The following SPATS2L variants were observed in gnomAD, a reference collection of about 807,000 sequenced individuals.
The protein encoded by SPATS2L is spermatogenesis associated serine rich 2 like.
In SPATS2L, 30 loss-of-function variants were observed where a neutral mutation model predicts 59.6. The ratio of observed to expected loss-of-function variants is 0.50; its 90% CI spans 0.38 to 0.68. The LOEUF is 0.68. Among genes scored for constraint, SPATS2L ranks in the 30% least tolerant of loss-of-function variants. The pLI is 0.00. For synonymous variants in SPATS2L, 252 were observed against 263.5 expected, an observed-to-expected ratio of 0.96 and a Z score of 0.42; for missense variants, 615 against 700.0, an observed-to-expected ratio of 0.88 and a Z score of 1.37.
intron 2 of SPATS2L, among the ~76,000 whole-genome samples, chr2:200,362,929 A>G (rs1252392714): frequency 6.6e-6 from 1 of 152,198 alleles, no homozygotes; most frequent in Non-Finnish European, 1.5e-5. Context: ...ACCCCCAGGA[A>G]TATATTTTGC....
chr2:200,432,839 G>A (rs2084028304), intron 6 of SPATS2L, among the ~76,000 whole-genome samples: 1 of 152,144 alleles, frequency 6.6e-6, no homozygotes. Flanking sequence ...AAGAAGAAAG[G>A]ATGAGTGAAC....
chr2:200,320,299 A>C (rs1408842250), intron 1 of SPATS2L, among the ~76,000 whole-genome samples: 3 of 152,344 alleles, frequency 2.0e-5, no homozygotes, highest in African/African-American at 7.2e-5. Context: ...CTTCTGAAAA[A>C]TTTCTTGAAA....
intron 9 of SPATS2L, among the ~76,000 whole-genome samples, chr2:200,464,634 T>A (rs2086459962): frequency 6.6e-6 from 1 of 152,098 alleles, no homozygotes; most frequent in African/African-American, 2.4e-5. Context: ...GCCTTCAGAC[T>A]TTTTTTATTA....
In SPATS2L at chr2:200,477,849, C is replaced by G. The variant is rs2087663531; in HGVS notation, c.1495C>G (p.Pro499Ala). The G allele has an allele frequency of 6.3e-7, 1 of 1,586,832 alleles. No homozygotes were observed. Among genetic ancestry groups the G allele is most frequent in the South Asian group, 1.1e-5 (1 of 87,692 alleles). The stretch of plus-strand genomic sequence containing the variant: ...AGAGGCTTCCTTGGGGATGAAGACC[C>G]CCGAGGCCCCGGCCCATTCTGAAAA... ...NQEASLGMKTPEAPAHSEKPR... is the reference protein window; with the variant it reads ...NQEASLGMKTAEAPAHSEKPR... The change falls in exon 13 of 13, where the codon CCC becomes GCC. Residue 499 changes from proline (P) to alanine (A), a missense_variant. Physicochemically the swap from Pro to Ala is conservative, Grantham distance 27 (BLOSUM62 -1). Coordinates refer to ENST00000409140, the MANE Select transcript of SPATS2L (RefSeq NM_001100423.2).
At chr2:200,306,557 T>C, upstream of SPATS2L, 1 of 1,002,000 alleles carries the variant, frequency 1.0e-6, no homozygotes, top group Non-Finnish European at 1.2e-6. Context: ...CAGCGCTGTG[T>C]TTGCGAGCGG....
At chr2:200,373,339 C>A (rs535735637) in intron 2 of SPATS2L, 5 of 151,010 alleles carry the variant, frequency 3.3e-5, no homozygotes, top group African/African-American at 1.2e-4. Context: ...TTCCTCCATC[C>A]TTACCCTATG....
chr2:200,375,258 T>C (rs901589962), intron 2 of SPATS2L, among the ~76,000 whole-genome samples: 3 of 152,218 alleles, frequency 2.0e-5, no homozygotes, highest in African/African-American at 7.2e-5. Flanking sequence ...GTGTTTAGCA[T>C]TGGGTGAAAA....
rs190557844 is a variant in SPATS2L at position 200,348,429 on chromosome 2, T to G, written c.-23+18949T>G. On this transcript the variant is annotated intron_variant, in intron 2 of 12. Coordinates refer to ENST00000409140, the MANE Select transcript of SPATS2L (RefSeq NM_001100423.2). ...TGCTTCTTGCAGAAGCCAGTATTGATTTTCCAGAATGCCTTCTAACTTTTC... is the reference window on the plus strand; with the variant it reads ...TGCTTCTTGCAGAAGCCAGTATTGAGTTTCCAGAATGCCTTCTAACTTTTC... Among the ~76,000 whole-genome samples the G allele has an allele frequency of 2.2e-4, 33 of 152,362 alleles. 1 individual carries two copies. In the East Asian group the frequency reaches 6.4e-3, roughly 29 times the overall value.
At chr2:200,441,654 T>A (rs1473560836) in intron 8 of SPATS2L, among the ~76,000 whole-genome samples, 1 of 152,114 alleles carries the variant, frequency 6.6e-6, no homozygotes, top group Non-Finnish European at 1.5e-5. Flanking sequence ...AGGCACCATC[T>A]CTCTTTGTGG....
intron 2 of SPATS2L, among the ~76,000 whole-genome samples, chr2:200,330,868 A>G (rs1018023054): frequency 1.3e-5 from 2 of 152,240 alleles, no homozygotes; most frequent in Admixed American, 1.3e-4. Flanking sequence ...TACTCTAATC[A>G]TGTGTTGGAA....
intron 11 of SPATS2L, among the ~76,000 whole-genome samples, chr2:200,472,403 G>A (rs1156468251): frequency 6.6e-6 from 1 of 152,232 alleles, no homozygotes; most frequent in Non-Finnish European, 1.5e-5. Context: ...TGTGTCTGCA[G>A]TACCAGTTGG....
At chr2:200,474,261 G>T (rs1310046814) in intron 12 of SPATS2L, among the ~76,000 whole-genome samples, 1 of 151,918 alleles carries the variant, frequency 6.6e-6, no homozygotes, top group Non-Finnish European at 1.5e-5. Flanking sequence ...CTTTGACAAG[G>T]AGCATGTTAT....
rs2087749904 is a variant in SPATS2L, at chr2:200,480,422, AC to A, written c.*2393del. ...TTTTGAGACAGGGTCTTGCTCTATC[AC>A]CTAGGCTGGAGTGCATGATCATGGC... On this transcript the variant is annotated 3_prime_UTR_variant, in exon 13 of 13. Coordinates refer to ENST00000409140, the MANE Select transcript of SPATS2L (RefSeq NM_001100423.2). 7.3e-6 allele frequency: 1 copy of A among 136,274 alleles called. No homozygotes were observed. The highest frequency in any genetic ancestry group is 1.6e-5 in the Non-Finnish European group (1 of 64,476). The allele number at this position is 136,274 out of a possible 1,614,324, so 8.4% of individuals were successfully genotyped here. A position where few individuals can be genotyped will look rare whatever the true frequency, so the allele number is the denominator to read the frequency against.
At chr2:200,396,054 ATATATATATATATT>A (rs1269240034) in intron 3 of SPATS2L, among the ~76,000 whole-genome samples, 60 of 96,830 alleles carry the variant, frequency 6.2e-4, no homozygotes, top group Non-Finnish European at 9.3e-4. Flanking sequence ...ATATATATAT[ATATATATATATATT>A]TTCCCATAGA....
rs191442901 is a variant in SPATS2L at position 200,339,369 on chromosome 2, G to T, written c.-23+9889G>T. Among the ~76,000 whole-genome samples, 168 of 152,122 alleles carry T rather than the reference G, an allele frequency of 1.1e-3. 2 individuals are homozygous for T. Among genetic ancestry groups the T allele is most frequent in the Admixed American group, 2.6e-3 (40 of 15,276 alleles). On this transcript the variant is annotated intron_variant, in intron 2 of 12. Transcript: ENST00000409140. ...GACCTGTTTTTAAAGACCCTTAAGG[G>T]ATATCCTTTAATACATTCCTTTTGA...
At chr2:200,362,083 T>TA (rs568418583) in intron 2 of SPATS2L, among the ~76,000 whole-genome samples, 1 of 151,222 alleles carries the variant, frequency 6.6e-6, no homozygotes, top group Non-Finnish European at 1.5e-5. Flanking sequence ...CTACAAAAAA[T>TA]AAAAAAATAA....
intron 3 of SPATS2L, among the ~76,000 whole-genome samples, chr2:200,397,833 A>G (rs2082403892): frequency 6.7e-6 from 1 of 149,998 alleles, no homozygotes; most frequent in Non-Finnish European, 1.5e-5. Flanking sequence ...GTATAATTAG[A>G]AAAAAAAACC....
At chr2:200,346,836 T>C (rs542451073) in intron 2 of SPATS2L, among the ~76,000 whole-genome samples, 3 of 152,116 alleles carry the variant, frequency 2.0e-5, no homozygotes, top group African/African-American at 7.3e-5. Context: ...CTCATAAATA[T>C]GTAGCTTGAT....
At chr2:200,375,234 G>C (rs3754798) in intron 2 of SPATS2L, among the ~76,000 whole-genome samples, 1 of 152,070 alleles carries the variant, frequency 6.6e-6, no homozygotes, top group African/African-American at 2.4e-5. Flanking sequence ...TAGGAGTGAG[G>C]CTAATGGTTA....
Sources: allele counts gnomAD v4.1 joint callset (sites outside exome capture counted in the v4.1 genomes callset), GRCh38; gene constraint gnomAD v4.1.1; transcripts MANE v1.5; gene names NCBI Gene and HGNC (gene_info 2026-07-23, HGNC 2026-07-21).